The following PAFAH1B1 variants were observed in gnomAD, a reference collection of about 807,000 sequenced individuals.
PAFAH1B1 encodes the protein platelet-activating factor acetylhydrolase IB subunit beta.
Under a neutral mutation model 57.5 loss-of-function variants are expected in PAFAH1B1, and 2 were observed. That is an observed-to-expected ratio of 0.03 (90% CI 0.01 to 0.11). PAFAH1B1 has a LOEUF of 0.11. Among genes scored for constraint, PAFAH1B1 ranks in the 10% least tolerant of loss-of-function variants. The pLI, the probability that PAFAH1B1 is intolerant of heterozygous loss-of-function variation, is 1.00. For missense variants in PAFAH1B1, 257 were observed against 512.0 expected (o/e 0.50, Z 4.81); for synonymous variants, 152 against 169.6 (o/e 0.90, Z 0.81).
chr17:2,610,805 AGATG>A (rs906275483), intron 1 of PAFAH1B1, among the ~76,000 whole-genome samples: 3 of 152,238 alleles, frequency 2.0e-5, no homozygotes, highest in African/African-American at 7.2e-5. Context: ...TCTTTAAGGT[AGATG>A]GATGACAAGT....
At chr17:2,603,896 C>T (rs920179225) in intron 1 of PAFAH1B1, among the ~76,000 whole-genome samples, 5 of 151,848 alleles carry the variant, frequency 3.3e-5, no homozygotes, top group East Asian at 2.0e-4. Context: ...CGCAACCACG[C>T]GCGGCTAATT....
intron 1 of PAFAH1B1, among the ~76,000 whole-genome samples, chr17:2,625,047 C>T (rs1341901591): frequency 6.7e-6 from 1 of 150,012 alleles, no homozygotes; most frequent in East Asian, 1.9e-4. Flanking sequence ...AACTCTTCCA[C>T]TTTCTCTTTT....
chr17:2,651,794 C>T (rs1401991795), intron 2 of PAFAH1B1, among the ~76,000 whole-genome samples: 2 of 152,094 alleles, frequency 1.3e-5, no homozygotes, highest in African/African-American at 4.8e-5. Flanking sequence ...CTACTGTTAA[C>T]ATCTCACATT....
intron 1 of PAFAH1B1, among the ~76,000 whole-genome samples, chr17:2,628,568 T>C (rs1184504155): frequency 6.6e-6 from 1 of 152,006 alleles, no homozygotes; most frequent in Non-Finnish European, 1.5e-5. Context: ...TAGTTTCCTT[T>C]CCTGGTTTTG....
intron 1 of PAFAH1B1, among the ~76,000 whole-genome samples, chr17:2,632,667 T>C (rs923982563): frequency 6.6e-6 from 1 of 152,240 alleles, no homozygotes; most frequent in African/African-American, 2.4e-5. Context: ...TACAGACTTT[T>C]ATTCTTGTCA....
At chr17:2,602,568 A>G (rs1455979336) in intron 1 of PAFAH1B1, among the ~76,000 whole-genome samples, 1 of 152,108 alleles carries the variant, frequency 6.6e-6, no homozygotes, top group East Asian at 1.9e-4. Context: ...TACTACCATC[A>G]TAGTTCACAT....
rs16952273 is a variant in PAFAH1B1, at chr17:2,637,848, A to G, written c.-190-251A>G. On this transcript the variant is annotated intron_variant, in intron 1 of 10. Coordinates refer to ENST00000397195, the MANE Select transcript of PAFAH1B1 (RefSeq NM_000430.4). The stretch of plus-strand genomic sequence containing the variant: ...AATCAAATGTATCTGGCAGGTTAAC[A>G]TGATTGGGAGTGGGTAAATGTATGT... 6.0e-3 allele frequency among the ~76,000 whole-genome samples: 907 copies of G among 152,346 alleles called. 8 individuals are homozygous for G. Among genetic ancestry groups the G allele is most frequent in the African/African-American group, 0.021 (858 of 41,578 alleles).
chr17:2,604,474 A>G (rs1301652321), intron 1 of PAFAH1B1, among the ~76,000 whole-genome samples: 4 of 152,196 alleles, frequency 2.6e-5, no homozygotes, highest in African/African-American at 9.6e-5. Flanking sequence ...AAATCTACAC[A>G]CTAAAGACAG....
At chr17:2,616,924 T>G (rs1233752478) in intron 1 of PAFAH1B1, among the ~76,000 whole-genome samples, 1 of 149,524 alleles carries the variant, frequency 6.7e-6, no homozygotes, top group Non-Finnish European at 1.5e-5. Flanking sequence ...AAAAAAAAAA[T>G]TAGCCGGACC....
chr17:2,602,791 T>G (rs945716378), intron 1 of PAFAH1B1, among the ~76,000 whole-genome samples: 6 of 152,352 alleles, frequency 3.9e-5, no homozygotes, highest in African/African-American at 1.2e-4. Flanking sequence ...CTGTTTTAAG[T>G]GCTTTACAAG....
rs1002514320 is a variant in PAFAH1B1 at position 2,621,626 on chromosome 17, T to G, written c.-190-16473T>G. On this transcript the variant is annotated intron_variant, in intron 1 of 10. Transcript: ENST00000397195. ...ATCTGTCTTTTTTTTTTTTTTTTTT[T>G]TTTTTTTTTTTTTTTTTGAGACAGG... 1.7e-4 allele frequency among the ~76,000 whole-genome samples: 15 copies of G among 88,704 alleles called. No individual in the cohort carries two copies. The South Asian group carries it at 3.5e-3, about 21-fold the overall frequency. 58.2% of individuals were successfully genotyped at this position (88,704 alleles called of 152,430 possible). A position where few individuals can be genotyped will look rare whatever the true frequency, so the allele number is the denominator to read the frequency against.
chr17:2,608,527 G>A (rs946247084), intron 1 of PAFAH1B1, among the ~76,000 whole-genome samples: 2 of 152,218 alleles, frequency 1.3e-5, no homozygotes, highest in Non-Finnish European at 2.9e-5. Flanking sequence ...CTTGGGCTGG[G>A]TGTGGTGGCT....
chr17:2,630,577 A>G (rs578243531), intron 1 of PAFAH1B1, among the ~76,000 whole-genome samples: 15 of 152,284 alleles, frequency 9.9e-5, no homozygotes, highest in African/African-American at 3.6e-4. Flanking sequence ...TAACCTGATG[A>G]CAGTGTGCCT....
chr17:2,662,957 T>C lies in PAFAH1B1; in HGVS notation c.33-2415T>C, dbSNP rs542698343. Among the ~76,000 whole-genome samples the C allele has an allele frequency of 2.6e-4, 39 of 152,028 alleles. 1 individual carries two copies. The highest frequency in any genetic ancestry group is 8.7e-4 in the African/African-American group (36 of 41,492). On this transcript the variant is annotated intron_variant, in intron 2 of 10. Coordinates refer to ENST00000397195, the MANE Select transcript of PAFAH1B1 (RefSeq NM_000430.4). Reference sequence around the variant, plus strand: ...GGAGAAACCCCGTCTCTACTAAAAATACAAAATTAGCTGGGCATCGTGGCA... The same window carrying C: ...GGAGAAACCCCGTCTCTACTAAAAACACAAAATTAGCTGGGCATCGTGGCA...
chr17:2,631,283 C>G (rs1179293982), intron 1 of PAFAH1B1, among the ~76,000 whole-genome samples: 1 of 151,944 alleles, frequency 6.6e-6, no homozygotes, highest in Admixed American at 6.6e-5. Flanking sequence ...GAAACTTGGC[C>G]CAGGCTATCT....
chr17:2,657,766 CAGAT>C (rs2068956402), intron 2 of PAFAH1B1, among the ~76,000 whole-genome samples: 1 of 152,162 alleles, frequency 6.6e-6, no homozygotes, highest in South Asian at 2.1e-4. Flanking sequence ...TTTTGCTCCT[CAGAT>C]AGGTTTACAA....
At chr17:2,674,312 A>G (rs780937347) in intron 8 of PAFAH1B1, 24 bp downstream of exon 8, 23 of 1,537,586 alleles carry the variant, frequency 1.5e-5, no homozygotes, top group African/African-American at 8.2e-5. Flanking sequence ...AAATGTCTTC[A>G]TGGTTTTATT....
chr17:2,617,912 A>G (rs1728123767), intron 1 of PAFAH1B1, among the ~76,000 whole-genome samples: 1 of 150,742 alleles, frequency 6.6e-6, no homozygotes, highest in South Asian at 2.1e-4. Flanking sequence ...CAACAGAGCG[A>G]GACTCAGTCC....
chr17:2,675,041 G>T (rs1413797071), intron 8 of PAFAH1B1, among the ~76,000 whole-genome samples: 3 of 152,226 alleles, frequency 2.0e-5, no homozygotes, highest in East Asian at 3.9e-4. Context: ...TCACTCTGTT[G>T]CCCAGGCTGG....
Sources: gnomAD v4.1 joint callset for allele counts (sites outside exome capture counted in the v4.1 genomes callset) on GRCh38, gnomAD v4.1.1 for gene constraint, MANE v1.5 for transcripts, NCBI Gene and HGNC (gene_info 2026-07-23, HGNC 2026-07-21) for gene names.